The following CCDC178 variants were observed in gnomAD, a reference collection of about 807,000 sequenced individuals.
CCDC178 encodes the protein coiled-coil domain-containing protein 178.
CCDC178 carries 126 observed loss-of-function variants against 117.4 expected under a neutral mutation model. The ratio of observed to expected loss-of-function variants is 1.07; its 90% CI spans 0.93 to 1.24. The LOEUF is 1.24. CCDC178 is among the 50% of genes most tolerant of loss of function. The probability of loss-of-function intolerance (pLI) is 0.00; values close to 1 mark genes in which losing one functional copy is unlikely to be tolerated. For missense variants in CCDC178, 1,030 were observed against 986.9 expected (o/e 1.04, Z -0.59); for synonymous variants, 283 against 313.4 (o/e 0.90, Z 1.02).
At chr18:33,162,288 T>C (rs1406684932) in intron 20 of CCDC178, among the ~76,000 whole-genome samples, 1 of 152,170 alleles carries the variant, frequency 6.6e-6, no homozygotes, top group African/African-American at 2.4e-5. Context: ...CATATGTAAC[T>C]AACCTGCACG....
At chr18:33,067,224 T>C (rs1396618582) in intron 21 of CCDC178, among the ~76,000 whole-genome samples, 2 of 152,008 alleles carry the variant, frequency 1.3e-5, no homozygotes, top group East Asian at 3.9e-4. Context: ...TGCAAATACA[T>C]AGAAATTAAA....
At chr18:33,323,435 T>C in intron 11 of CCDC178, 56 bp downstream of exon 11, 1 of 1,169,132 alleles carries the variant, frequency 8.6e-7, no homozygotes, top group South Asian at 2.7e-5. Context: ...ACATTACATT[T>C]TTACTTAACA....
chr18:33,294,781 A>T (rs567506800), intron 11 of CCDC178, among the ~76,000 whole-genome samples: 1 of 152,232 alleles, frequency 6.6e-6, no homozygotes, highest in African/African-American at 2.4e-5. Flanking sequence ...AGTGTTATCT[A>T]TTGCCTCCAG....
At chr18:33,120,942 G>A (rs747192501) in intron 20 of CCDC178, among the ~76,000 whole-genome samples, 1 of 152,086 alleles carries the variant, frequency 6.6e-6, no homozygotes, top group African/African-American at 2.4e-5. Context: ...GCAGTATCAT[G>A]TTAGGTAATA....
chr18:33,202,391 TAAAAAAAAAAAAAAAAAA>T (rs60997290), intron 20 of CCDC178, among the ~76,000 whole-genome samples: 5 of 20,256 alleles, frequency 2.5e-4, no homozygotes, highest in African/African-American at 7.5e-4. Context: ...GACTCCATCT[TAAAAAAAAAAAAAAAAAA>T]AAAAAAAAAA....
chr18:33,241,172 A>C (rs190378098), intron 15 of CCDC178, among the ~76,000 whole-genome samples: 1 of 152,008 alleles, frequency 6.6e-6, no homozygotes, highest in Non-Finnish European at 1.5e-5. Flanking sequence ...CTCATAATAA[A>C]TTAGGTACAG....
At chr18:33,171,599 G>A (rs1460965920) in intron 20 of CCDC178, among the ~76,000 whole-genome samples, 1 of 152,168 alleles carries the variant, frequency 6.6e-6, no homozygotes, top group Non-Finnish European at 1.5e-5. Flanking sequence ...TAGAGAGTGT[G>A]TTTTTGACAA....
intron 21 of CCDC178, among the ~76,000 whole-genome samples, chr18:33,011,581 A>G (rs1385697111): frequency 6.6e-6 from 1 of 151,904 alleles, no homozygotes; most frequent in African/African-American, 2.4e-5. Context: ...ATGGTTCCAC[A>G]TCATTAGCAA....
chr18:33,405,314 T>C (rs1277959720), intron 3 of CCDC178, among the ~76,000 whole-genome samples: 2 of 151,730 alleles, frequency 1.3e-5, no homozygotes, highest in African/African-American at 4.8e-5. Flanking sequence ...AATACATCTA[T>C]ATCCATTAAA....
intron 21 of CCDC178, among the ~76,000 whole-genome samples, chr18:33,031,755 T>C (rs2056347921): frequency 6.6e-6 from 1 of 152,112 alleles, no homozygotes; most frequent in Non-Finnish European, 1.5e-5. Context: ...AATATGTATT[T>C]TGTATCCCAG....
chr18:33,004,059 T>C (rs954792278), intron 21 of CCDC178, among the ~76,000 whole-genome samples: 4 of 152,108 alleles, frequency 2.6e-5, no homozygotes, highest in Non-Finnish European at 4.4e-5. Flanking sequence ...TTCATGTTCA[T>C]GGATTGGAAG....
At chr18:33,313,982 C>T (rs1169090006) in intron 11 of CCDC178, among the ~76,000 whole-genome samples, 3 of 151,624 alleles carry the variant, frequency 2.0e-5, no homozygotes, top group Middle Eastern at 3.4e-3. Flanking sequence ...GGGCGGATCA[C>T]GAGGTCAGGA....
intron 6 of CCDC178, among the ~76,000 whole-genome samples, chr18:33,358,791 A>T (rs1417092119): frequency 1.3e-5 from 2 of 151,842 alleles, no homozygotes; most frequent in Non-Finnish European, 2.9e-5. Flanking sequence ...TAAAATTAAT[A>T]AAGTAAAAAG....
intron 10 of CCDC178, among the ~76,000 whole-genome samples, chr18:33,332,658 C>G (rs1265765667): frequency 6.6e-6 from 1 of 152,098 alleles, no homozygotes; most frequent in Admixed American, 6.5e-5. Context: ...TCACTGCAAC[C>G]TCAACCTCCA....
intron 6 of CCDC178, among the ~76,000 whole-genome samples, chr18:33,361,697 A>G (rs1001547382): frequency 6.6e-6 from 1 of 151,856 alleles, no homozygotes; most frequent in African/African-American, 2.4e-5. Flanking sequence ...CAGGTATGCA[A>G]AAAGGTGCTC....
At chr18:32,941,938 A>G (rs1263772238) in intron 22 of CCDC178, among the ~76,000 whole-genome samples, 2 of 152,194 alleles carry the variant, frequency 1.3e-5, no homozygotes, top group African/African-American at 4.8e-5. Context: ...AAAAACTACT[A>G]CAATGACCTG....
intron 12 of CCDC178, among the ~76,000 whole-genome samples, chr18:33,268,636 GT>G (rs1488194171): frequency 1.3e-5 from 2 of 151,576 alleles, no homozygotes; most frequent in Non-Finnish European, 3.0e-5. Flanking sequence ...ATAAAAGTAT[GT>G]GTCAAAAAAT....
At chr18:33,261,873 TA>T (rs1421722382) in intron 14 of CCDC178, among the ~76,000 whole-genome samples, 5 of 152,150 alleles carry the variant, frequency 3.3e-5, no homozygotes, top group Non-Finnish European at 5.9e-5. Context: ...TATTCATTTT[TA>T]AGTATATTTT....
chr18:33,289,554 C>A (rs1305826700), intron 12 of CCDC178, among the ~76,000 whole-genome samples: 1 of 152,028 alleles, frequency 6.6e-6, no homozygotes, highest in Admixed American at 6.6e-5. Flanking sequence ...GCAGAGGTTG[C>A]AGTGAGCCAA....
Sources: allele counts gnomAD v4.1 joint callset (sites outside exome capture counted in the v4.1 genomes callset), GRCh38; gene constraint gnomAD v4.1.1; transcripts MANE v1.5; gene names NCBI Gene and HGNC (gene_info 2026-07-23, HGNC 2026-07-21).